ZNF540: variants seen among roughly 807,000 people sequenced by gnomAD.
ZNF540 encodes CTD-3064H18.6.
In ZNF540, 3 loss-of-function variants were observed where a neutral mutation model predicts 11.8. That is an observed-to-expected ratio of 0.25 (90% CI 0.12 to 0.65). ZNF540 has a LOEUF of 0.65. Among genes scored for constraint, ZNF540 ranks in the 30% least tolerant of loss-of-function variants. The probability of loss-of-function intolerance (pLI) is 0.83; values close to 1 mark genes in which losing one functional copy is unlikely to be tolerated. For synonymous variants in ZNF540, 247 were observed against 259.0 expected (o/e 0.95, Z 0.45); for missense variants, 709 against 793.1 (o/e 0.89, Z 1.27).
chr19:37,604,759 C>G (rs1317694976), intron 4 of ZNF540, among the ~76,000 whole-genome samples: 2 of 152,142 alleles, frequency 1.3e-5, no homozygotes, highest in Admixed American at 1.3e-4. Context: ...TCTATCATGT[C>G]AAAACTTTCC....
At chr19:37,593,409 A>G (rs979260315), upstream of ZNF540, among the ~76,000 whole-genome samples, 6 of 152,194 alleles carry the variant, frequency 3.9e-5, no homozygotes, top group Non-Finnish European at 8.8e-5. Flanking sequence ...TTTTTCATCA[A>G]AACCTTAGAC....
chr19:37,567,803 T>G (rs2042913091), intron 1 of ZNF540: 1 of 152,198 alleles, frequency 6.6e-6, no homozygotes, highest in Admixed American at 6.5e-5. Context: ...TTTTTGCAAT[T>G]CTAAAATTTC....
chr19:37,590,392 G>T (rs1298069001), upstream of ZNF540, among the ~76,000 whole-genome samples: 1 of 151,958 alleles, frequency 6.6e-6, no homozygotes, highest in African/African-American at 2.4e-5. Flanking sequence ...ACTCCAGCCT[G>T]GGGGACAGAG....
intron 1 of ZNF540, among the ~76,000 whole-genome samples, chr19:37,584,399 A>C (rs1303870235): frequency 2.0e-5 from 3 of 152,246 alleles, no homozygotes; most frequent in Non-Finnish European, 2.9e-5. Context: ...TTAATTGCAC[A>C]GCAGATAAGG....
At chr19:37,588,170 G>A (rs1372721879) in intron 1 of ZNF540, among the ~76,000 whole-genome samples, 1 of 141,698 alleles carries the variant, frequency 7.1e-6, no homozygotes, top group Non-Finnish European at 1.5e-5. Flanking sequence ...ATATAAAGAT[G>A]TTAACCTCTG....
chr19:37,605,788 T>C (rs1363851848), intron 4 of ZNF540, among the ~76,000 whole-genome samples: 2 of 152,232 alleles, frequency 1.3e-5, no homozygotes, highest in African/African-American at 4.8e-5. Flanking sequence ...TGTAGGTGTA[T>C]CTCATTGTGA....
intron 1 of ZNF540, among the ~76,000 whole-genome samples, chr19:37,568,946 G>C (rs775566587): frequency 6.6e-6 from 1 of 151,692 alleles, no homozygotes; most frequent in African/African-American, 2.4e-5. Flanking sequence ...GCTGACACTC[G>C]GGAAGCCCAA....
At chr19:37,594,765 G>A (rs1443870994), upstream of ZNF540, 4 of 152,156 alleles carry the variant, frequency 2.6e-5, no homozygotes, top group Non-Finnish European at 5.9e-5. Flanking sequence ...CAAGCTCCGT[G>A]CGTCAAGACA....
chr19:37,599,314 G>A (rs187445376), intron 2 of ZNF540, among the ~76,000 whole-genome samples: 2 of 152,206 alleles, frequency 1.3e-5, no homozygotes, highest in East Asian at 3.9e-4. Flanking sequence ...TAGAAATATA[G>A]TTTATTTGCT....
At chr19:37,577,856 A>T (rs1024843060) in intron 1 of ZNF540, among the ~76,000 whole-genome samples, 4 of 152,204 alleles carry the variant, frequency 2.6e-5, no homozygotes, top group Non-Finnish European at 5.9e-5. Context: ...GTCTCTTTTA[A>T]GTGGATCATC....
Position 37,612,245 on chromosome 19 carries a change from C to T in ZNF540, c.965C>T (p.Thr322Ile), listed in dbSNP as rs757125399. ...FYFKEHERIHTGKKPYECKEC... is the reference protein window; with the variant it reads ...FYFKEHERIHIGKKPYECKEC... ...TTTAAAGAACATGAGAGAATTCATA[C>T]AGGTAAGAAACCCTATGAATGTAAG... The change falls in exon 5 of 5, where the codon ACA (threonine) becomes ATA (isoleucine). Residue 322 changes from threonine (T) to isoleucine (I), a missense_variant. Transcript: ENST00000316433. The T allele has an allele frequency of 2.3e-5, 37 of 1,613,720 alleles. 1 individual carries two copies. The South Asian group carries it at 3.7e-4, about 16-fold the overall frequency.
chr19:37,561,074 A>AAAAAAAAAAAG (rs57590004), intron 1 of ZNF540, among the ~76,000 whole-genome samples: 2 of 135,814 alleles, frequency 1.5e-5, no homozygotes, highest in African/African-American at 5.8e-5. Flanking sequence ...AAAAAAAAAA[A>AAAAAAAAAAAG]GAAAGAAAAA....
intron 4 of ZNF540, among the ~76,000 whole-genome samples, chr19:37,603,004 C>CTTTTTT (rs569985494): frequency 8.8e-6 from 1 of 113,240 alleles, no homozygotes; most frequent in Non-Finnish European, 1.7e-5. Flanking sequence ...TGTAAGGAGT[C>CTTTTTT]TTTTTTTTTT....
chr19:37,556,791 G>C (rs183477833), intron 1 of ZNF540, among the ~76,000 whole-genome samples: 6 of 152,318 alleles, frequency 3.9e-5, no homozygotes, highest in African/African-American at 1.2e-4. Flanking sequence ...CTAGTAAGGG[G>C]TGCACCTTAC....
intron 4 of ZNF540, among the ~76,000 whole-genome samples, chr19:37,609,553 A>G (rs1235285288): frequency 4.0e-5 from 6 of 151,400 alleles, no homozygotes; most frequent in Non-Finnish European, 8.8e-5. Flanking sequence ...TTGGGGGGCA[A>G]AAAAAGTAGA....
In ZNF540 at chr19:37,586,512, T is replaced by C. The variant is rs143256869; in HGVS notation, c.-72-11864T>C. ...GAGAGGGGAAAAGCATTGAGAAGAATTGGGCTCTTTGCTACTATTACTCGC... is the reference window on the plus strand; with the variant it reads ...GAGAGGGGAAAAGCATTGAGAAGAACTGGGCTCTTTGCTACTATTACTCGC... On this transcript the variant is annotated intron_variant, in intron 1 of 4. Transcript: ENST00000592533. The C allele has an allele frequency of 2.7e-4, 203 of 747,100 alleles. 1 individual carries two copies. Among genetic ancestry groups the C allele is most frequent in the African/African-American group, 1.1e-3 (62 of 56,312 alleles). The allele number at this position is 747,100 out of a possible 1,614,324, so 46.3% of individuals were successfully genotyped here.
At chr19:37,564,615 T>C in intron 1 of ZNF540, 1 of 1,541,296 alleles carries the variant, frequency 6.5e-7, no homozygotes, top group South Asian at 1.3e-5. Context: ...TGAAGCCTTG[T>C]ATGTTGAGTA....
At chr19:37,595,882 T>C (rs914999651) in intron 1 of ZNF540, among the ~76,000 whole-genome samples, 3 of 152,210 alleles carry the variant, frequency 2.0e-5, no homozygotes, top group Admixed American at 2.0e-4. Context: ...GTCTTCCTAT[T>C]GAACAGTACA....
intron 1 of ZNF540, among the ~76,000 whole-genome samples, chr19:37,582,855 TC>T (rs2043521684): frequency 6.6e-6 from 1 of 152,234 alleles, no homozygotes. Context: ...TCATTAGTCT[TC>T]CTGCTTTCAT....
Sources: allele counts gnomAD v4.1 joint callset (sites outside exome capture counted in the v4.1 genomes callset), GRCh38; gene constraint gnomAD v4.1.1; transcripts MANE v1.5; gene names NCBI Gene and HGNC (gene_info 2026-07-23, HGNC 2026-07-21).